CLIP2: variants seen among roughly 807,000 people sequenced by gnomAD.
CLIP2 encodes the protein CAP-Gly domain containing linker protein 2, also known as CAP-Gly domain-containing linker protein 2.
Under a neutral mutation model 111.7 loss-of-function variants are expected in CLIP2, and 41 were observed. That is an observed-to-expected ratio of 0.37 (90% CI 0.29 to 0.48). The LOEUF (loss-of-function observed/expected upper bound fraction) is 0.48, where lower values mean the gene tolerates loss of function less well. Among genes scored for constraint, CLIP2 ranks in the 20% least tolerant of loss-of-function variants. The pLI, the probability that CLIP2 is intolerant of heterozygous loss-of-function variation, is 0.99. For synonymous variants in CLIP2, 660 were observed against 644.2 expected (o/e 1.02, Z -0.37); for missense variants, 1,160 against 1,422.1 (o/e 0.82, Z 2.96).
chr7:74,374,057 C>T (rs574111335), intron 9 of CLIP2, among the ~76,000 whole-genome samples: 1 of 152,258 alleles, frequency 6.6e-6, no homozygotes, highest in East Asian at 1.9e-4. Context: ...GGACCCAGCA[C>T]TCTGTGCAGG....
At chr7:74,309,921 A>G (rs1180847036) in intron 1 of CLIP2, among the ~76,000 whole-genome samples, 2 of 146,426 alleles carry the variant, frequency 1.4e-5, no homozygotes, top group Non-Finnish European at 3.0e-5. Context: ...ACTTTGGGCC[A>G]GGCATGGTGG....
intron 2 of CLIP2, among the ~76,000 whole-genome samples, chr7:74,318,204 C>T (rs1307340857): frequency 6.6e-6 from 1 of 151,724 alleles, no homozygotes; most frequent in Non-Finnish European, 1.5e-5. Flanking sequence ...TGCAAATGCT[C>T]AGAGGCAGAA....
In CLIP2 at chr7:74,380,876, C is replaced by G. The variant is rs1347379471; in HGVS notation, c.2479+13C>G. 4 of 1,613,278 alleles carry G rather than the reference C, an allele frequency of 2.5e-6. No homozygotes were observed. The highest frequency in any genetic ancestry group is 1.1e-5 in the South Asian group (1 of 91,056). On this transcript the variant is annotated intron_variant, in intron 11 of 16. Coordinates refer to ENST00000223398, the MANE Select transcript of CLIP2 (RefSeq NM_003388.5). ...GAAACTGTGGAGGGTGAGTGGCCAC[C>G]AGGCCGGGCGGGACTCTGGGCTCTG...
chr7:74,357,194 T>C lies in CLIP2; in HGVS notation c.1018-86T>C, dbSNP rs555846912. On this transcript the variant is annotated intron_variant, in intron 5 of 16. Coordinates refer to ENST00000223398, the MANE Select transcript of CLIP2 (RefSeq NM_003388.5). The stretch of plus-strand genomic sequence containing the variant: ...GGCACTTGGGCTCCCACCTGCTATG[T>C]TGCTGTAGATTAGGCTGGACAGAGC... The C allele has an allele frequency of 6.4e-5, 79 of 1,233,688 alleles. No homozygotes were observed. In the African/African-American group the frequency reaches 1.1e-3, roughly 17 times the overall value. 76.4% of individuals were successfully genotyped at this position (1,233,688 alleles called of 1,614,324 possible).
At chr7:74,389,013 C>T (rs947227882) in intron 12 of CLIP2, 90 bp from the exon 13 acceptor site, 4 of 1,457,150 alleles carry the variant, frequency 2.7e-6, no homozygotes, top group Admixed American at 2.3e-5. Flanking sequence ...CTGGGAGAAT[C>T]AGCGCCCTGC....
Position 74,385,845 on chromosome 7 carries a change from C to T in CLIP2, c.2480-676C>T, listed in dbSNP as rs566703448. ...GCAACCTCTGCCTCCCAAGTTCAAG[C>T]GATTCTCCTGCCTCAACCTCCCAAG... On this transcript the variant is annotated intron_variant, in intron 11 of 16. Transcript: ENST00000223398. Among the ~76,000 whole-genome samples the T allele has an allele frequency of 6.0e-5, 9 of 149,360 alleles. No homozygotes were observed. The South Asian group carries it at 1.5e-3, about 25-fold the overall frequency.
chr7:74,363,608 GGCGCGGAGGCTC>G (rs1790393905), intron 7 of CLIP2, among the ~76,000 whole-genome samples: 2 of 152,190 alleles, frequency 1.3e-5, no homozygotes, highest in African/African-American at 4.8e-5. Flanking sequence ...TTGTCAGCTG[GGCGCGGAGGCTC>G]ACGCCTGTAA....
chr7:74,334,832 A>AC (rs1554731843), intron 2 of CLIP2, among the ~76,000 whole-genome samples: 1 of 151,396 alleles, frequency 6.6e-6, no homozygotes, highest in East Asian at 1.9e-4. Flanking sequence ...ACAAAAAAAA[A>AC]AAAAAAATAG....
rs1554318135 is a variant in CLIP2, at chr7:74,403,890, C to T, written c.*42C>T. 1.2e-6 allele frequency: 2 copies of T among 1,610,338 alleles called. No homozygotes were observed. ...TGGAGCAGCCCAGTCCACACCAGAG[C>T]CCCACGCGGCTGCCCGGCAGTACCT... On this transcript the variant is annotated 3_prime_UTR_variant, in exon 17 of 17. Coordinates refer to ENST00000223398, the MANE Select transcript of CLIP2 (RefSeq NM_003388.5).
At chr7:74,300,494 C>T (rs1584304638) in intron 1 of CLIP2, among the ~76,000 whole-genome samples, 1 of 146,660 alleles carries the variant, frequency 6.8e-6, no homozygotes, top group Admixed American at 6.9e-5. Flanking sequence ...CTCGCTCTGT[C>T]GCCCAGGCTG....
intron 15 of CLIP2, 73 bp from the exon 16 acceptor site, chr7:74,401,432 C>A: frequency 6.9e-7 from 1 of 1,456,858 alleles, no homozygotes; most frequent in Non-Finnish European, 9.5e-7. Flanking sequence ...ATGGGAAGAC[C>A]TCGCCATCTA....
intron 3 of CLIP2, among the ~76,000 whole-genome samples, chr7:74,341,274 A>T (rs1584342428): frequency 6.6e-6 from 1 of 151,736 alleles, no homozygotes; most frequent in Non-Finnish European, 1.5e-5. Context: ...TGCAACCTCC[A>T]CCTCCCAGGT....
chr7:74,385,464 CAAAA>C (rs147539922), intron 11 of CLIP2, among the ~76,000 whole-genome samples: 7 of 71,264 alleles, frequency 9.8e-5, no homozygotes, highest in Admixed American at 1.6e-4. Flanking sequence ...TAACCTGTCT[CAAAA>C]AAAAAAAAAA....
In CLIP2 at chr7:74,376,076, G is replaced by A. The variant is rs782036856; in HGVS notation, c.1675G>A (p.Glu559Lys). 3.7e-6 allele frequency: 6 copies of A among 1,612,800 alleles called. No homozygotes were observed. The highest frequency in any genetic ancestry group is 3.3e-5 in the Admixed American group (2 of 59,864). The change falls in exon 10 of 17, where the codon GAG (glutamate) becomes AAG (lysine). Residue 559 changes from glutamate (E) to lysine (K), a missense_variant. Coordinates refer to ENST00000223398, the MANE Select transcript of CLIP2 (RefSeq NM_003388.5). The surrounding 1 kb of genome is among the most constrained non-coding windows in gnomAD (Gnocchi z 7.1). ...CTCGGCCAGCAAGGAACACCAGAGG[G>A]AGAGTGGGGTGCTGCGGGATAAATA... ...LLSASKEHQR[E>K]SGVLRDKYEK...
intron 2 of CLIP2, among the ~76,000 whole-genome samples, chr7:74,318,594 T>A (rs1326783257): frequency 6.6e-6 from 1 of 152,012 alleles, no homozygotes; most frequent in Non-Finnish European, 1.5e-5. Context: ...GCGCCTATAG[T>A]CCCAGCTACT....
intron 13 of CLIP2, among the ~76,000 whole-genome samples, chr7:74,392,108 T>G (rs1225720098): frequency 5.3e-5 from 8 of 150,310 alleles, no homozygotes; most frequent in African/African-American, 2.0e-4. Flanking sequence ...TCCCAGCACT[T>G]TGGGAGGCCG....
intron 9 of CLIP2, among the ~76,000 whole-genome samples, chr7:74,375,605 C>T (rs1790752308): frequency 7.1e-6 from 1 of 140,362 alleles, no homozygotes. Flanking sequence ...TTTCTTTTAA[C>T]CACCAATTTG....
At chr7:74,334,836 A>C (rs926673334) in intron 2 of CLIP2, among the ~76,000 whole-genome samples, 1 of 151,276 alleles carries the variant, frequency 6.6e-6, no homozygotes, top group Non-Finnish European at 1.5e-5. Flanking sequence ...AAAAAAAAAA[A>C]AAATAGCCTG....
intron 3 of CLIP2, among the ~76,000 whole-genome samples, chr7:74,339,553 G>T (rs1470131226): frequency 6.6e-6 from 1 of 151,800 alleles, no homozygotes; most frequent in African/African-American, 2.4e-5. Flanking sequence ...TGATCCACCC[G>T]CCTTGGCCTC....
Sources: gnomAD v4.1 joint callset for allele counts (sites outside exome capture counted in the v4.1 genomes callset) on GRCh38, gnomAD v4.1.1 for gene constraint, Gnocchi (gnomAD v3.1) non-coding constraint, MANE v1.5 for transcripts, NCBI Gene and HGNC (gene_info 2026-07-23, HGNC 2026-07-21) for gene names.